TAFA1: variants seen among roughly 807,000 people sequenced by gnomAD.
TAFA1 encodes the protein TAFA chemokine like family member 1, also known as chemokine-like protein TAFA-1.
In TAFA1, 4 loss-of-function variants were observed where a neutral mutation model predicts 18.5. The observed-to-expected ratio is 0.22, with a 90% CI of 0.11 to 0.49. The LOEUF is 0.49. TAFA1 is among the 20% of genes least tolerant of loss of function. TAFA1 has a pLI of 0.98. For missense variants in TAFA1, 147 were observed against 169.0 expected (o/e 0.87, Z 0.72); for synonymous variants, 56 against 55.2 (o/e 1.01, Z -0.06).
At chr3:68,226,851 C>A (rs751158533) in intron 2 of TAFA1, among the ~76,000 whole-genome samples, 1 of 152,138 alleles carries the variant, frequency 6.6e-6, no homozygotes, top group Non-Finnish European at 1.5e-5. Context: ...TGCTTTTTCT[C>A]CCTACCACAT....
At chr3:68,538,259 G>A (rs1447948905) in intron 3 of TAFA1, among the ~76,000 whole-genome samples, 1 of 152,194 alleles carries the variant, frequency 6.6e-6, no homozygotes, top group Non-Finnish European at 1.5e-5. Flanking sequence ...AACAGTAGCT[G>A]ATTATCATTT....
At chr3:68,013,716 T>C (rs1023174524) in intron 2 of TAFA1, among the ~76,000 whole-genome samples, 2 of 152,218 alleles carry the variant, frequency 1.3e-5, no homozygotes, top group African/African-American at 4.8e-5. Context: ...AAAATTTGTA[T>C]AACCTAATTG....
chr3:68,216,824 C>A (rs759405791), intron 2 of TAFA1, among the ~76,000 whole-genome samples: 171 of 152,154 alleles, frequency 1.1e-3, no homozygotes, highest in Non-Finnish European at 1.9e-3. Context: ...AGAGCCAGCA[C>A]TGGAGCAATG....
At chr3:68,155,868 ATAAT>A in intron 2 of TAFA1, among the ~76,000 whole-genome samples, 1 of 152,272 alleles carries the variant, frequency 6.6e-6, no homozygotes, top group Non-Finnish European at 1.5e-5. Context: ...TTAAAGTTAT[ATAAT>A]TAATTGCATT....
At chr3:68,086,010 G>A (rs1328643913) in intron 2 of TAFA1, among the ~76,000 whole-genome samples, 3 of 152,204 alleles carry the variant, frequency 2.0e-5, no homozygotes, top group Non-Finnish European at 2.9e-5. Context: ...GATGCTTGAT[G>A]AGCCCACGAT....
intron 2 of TAFA1, among the ~76,000 whole-genome samples, chr3:68,150,555 C>A (rs1408709380): frequency 6.6e-6 from 1 of 152,192 alleles, no homozygotes; most frequent in South Asian, 2.1e-4. Flanking sequence ...AACATGAGAG[C>A]CATGACTGGT....
chr3:68,358,072 AC>A (rs1158901712), intron 2 of TAFA1, among the ~76,000 whole-genome samples: 1 of 151,956 alleles, frequency 6.6e-6, no homozygotes, highest in Non-Finnish European at 1.5e-5. Context: ...CAGGGAACCA[AC>A]ATTCAACAAG....
intron 2 of TAFA1, among the ~76,000 whole-genome samples, chr3:68,034,191 A>G (rs1183025178): frequency 1.3e-5 from 2 of 152,164 alleles, no homozygotes; most frequent in Non-Finnish European, 2.9e-5. Context: ...AAAATGACCC[A>G]TGTGATTTTA....
intron 3 of TAFA1, among the ~76,000 whole-genome samples, chr3:68,420,861 G>T (rs17047675): frequency 0.015 from 2,281 of 152,268 alleles, 64 homozygotes; most frequent in South Asian, 0.048. Flanking sequence ...CACCTCTAAT[G>T]CAGGGAAGGC....
chr3:68,046,565 A>C (rs1223197748), intron 2 of TAFA1, among the ~76,000 whole-genome samples: 1 of 152,188 alleles, frequency 6.6e-6, no homozygotes, highest in Non-Finnish European at 1.5e-5. Context: ...TATTGTTAAG[A>C]TCAATGTTGG....
chr3:68,078,796 G>A (rs1464368961), intron 2 of TAFA1, among the ~76,000 whole-genome samples: 1 of 152,160 alleles, frequency 6.6e-6, no homozygotes, highest in African/African-American at 2.4e-5. Context: ...TCTCTGCCTG[G>A]CTTTGGTATC....
intron 3 of TAFA1, among the ~76,000 whole-genome samples, chr3:68,418,434 G>T (rs1273699951): frequency 1.8e-5 from 1 of 54,752 alleles, no homozygotes; most frequent in Non-Finnish European, 4.8e-5. Context: ...GGAAGGACCG[G>T]CCATTTTCAC....
chr3:68,300,651 T>C (rs2068287775), intron 2 of TAFA1, among the ~76,000 whole-genome samples: 1 of 152,088 alleles, frequency 6.6e-6, no homozygotes, highest in African/African-American at 2.4e-5. Context: ...TTTGGCTGCC[T>C]CTCCACCCAA....
chr3:68,241,817 A>G (rs1211777964), intron 2 of TAFA1, among the ~76,000 whole-genome samples: 1 of 152,092 alleles, frequency 6.6e-6, no homozygotes. Context: ...ATGGATGAAA[A>G]CCCAAAAAGT....
At chr3:68,414,295 G>A (rs181250903) in intron 2 of TAFA1, among the ~76,000 whole-genome samples, 8 of 152,180 alleles carry the variant, frequency 5.3e-5, no homozygotes, top group Non-Finnish European at 2.9e-5. Flanking sequence ...CAACAGGAGC[G>A]AAACGCCATA....
At chr3:68,103,658 C>T (rs553473247) in intron 2 of TAFA1, among the ~76,000 whole-genome samples, 12 of 152,158 alleles carry the variant, frequency 7.9e-5, no homozygotes, top group Non-Finnish European at 1.3e-4. Flanking sequence ...AGCTTTAGCA[C>T]GCTAATTGTC....
chr3:68,162,118 C>A (rs984165376), intron 2 of TAFA1, among the ~76,000 whole-genome samples: 2 of 152,016 alleles, frequency 1.3e-5, no homozygotes, highest in Admixed American at 6.6e-5. Flanking sequence ...TCACATAAAG[C>A]CTGATAATAA....
chr3:68,029,269 G>A (rs1175367234), intron 2 of TAFA1, among the ~76,000 whole-genome samples: 1 of 152,170 alleles, frequency 6.6e-6, no homozygotes, highest in Non-Finnish European at 1.5e-5. Context: ...ATGTCTACAT[G>A]TAATCAGTAT....
At position 68,060,001 on chromosome 3, in the gene TAFA1, G is replaced by C. The variant is rs1205271603; in HGVS notation, c.118+53257G>C. Among the ~76,000 whole-genome samples the C allele has an allele frequency of 2.6e-5, 4 of 152,000 alleles. No individual in the cohort carries two copies. In the East Asian group the frequency reaches 7.8e-4, roughly 30 times the overall value. On this transcript the variant is annotated intron_variant, in intron 2 of 4. Coordinates refer to ENST00000478136, the MANE Select transcript of TAFA1 (RefSeq NM_213609.4). ...CAGCTAAGCACACGGCATTCTTTAG[G>C]CTGAAGTGAGAATTTACTCCTGAAT...
Sources: gnomAD v4.1 joint callset for allele counts (sites outside exome capture counted in the v4.1 genomes callset) on GRCh38, gnomAD v4.1.1 for gene constraint, MANE v1.5 for transcripts, NCBI Gene and HGNC (gene_info 2026-07-23, HGNC 2026-07-21) for gene names.